Variants in FBXL13 observed in about 807,000 individuals in gnomAD.
FBXL13 encodes the protein F-box and leucine-rich repeat protein 13.
Under a neutral mutation model 83.6 loss-of-function variants are expected in FBXL13, and 67 were observed. That is an observed-to-expected ratio of 0.80 (90% CI 0.66 to 0.98). FBXL13 has a LOEUF of 0.98. Among genes scored for constraint, FBXL13 ranks in the 50% least tolerant of loss-of-function variants. The probability of loss-of-function intolerance (pLI) is 0.00; values close to 1 mark genes in which losing one functional copy is unlikely to be tolerated. For synonymous variants in FBXL13, 272 were observed against 299.5 expected, an observed-to-expected ratio of 0.91 and a Z score of 0.95; for missense variants, 822 against 866.5, an observed-to-expected ratio of 0.95 and a Z score of 0.64.
intron 2 of FBXL13, among the ~76,000 whole-genome samples, chr7:103,036,847 C>T (rs1383049068): frequency 6.6e-6 from 1 of 152,122 alleles, no homozygotes; most frequent in Non-Finnish European, 1.5e-5. Flanking sequence ...GCTTTTGTGC[C>T]TGGACAGAAA....
chr7:102,820,054 T>C (rs1289902169), intron 19 of FBXL13, among the ~76,000 whole-genome samples: 1 of 152,218 alleles, frequency 6.6e-6, no homozygotes, highest in Non-Finnish European at 1.5e-5. Flanking sequence ...GACAGATGTT[T>C]CTGGAGCTTT....
chr7:102,903,223 A>G (rs1813200462), intron 11 of FBXL13, among the ~76,000 whole-genome samples: 1 of 151,878 alleles, frequency 6.6e-6, no homozygotes, highest in Non-Finnish European at 1.5e-5. Flanking sequence ...CATATTGTTC[A>G]CTGTTGGCAT....
intron 8 of FBXL13, chr7:102,934,348 G>A (rs375571993): frequency 9.9e-6 from 16 of 1,613,968 alleles, no homozygotes; most frequent in African/African-American, 1.3e-5. Context: ...AAGTCTTGAC[G>A]GAGGAAGTGT....
intron 16 of FBXL13, among the ~76,000 whole-genome samples, chr7:102,859,165 T>C (rs1039260562): frequency 4.6e-5 from 7 of 152,206 alleles, no homozygotes; most frequent in South Asian, 2.1e-4. Context: ...ATGACAAAAA[T>C]AGTAGCAAAA....
At chr7:102,943,536 C>T (rs1354915684) in intron 8 of FBXL13, among the ~76,000 whole-genome samples, 3 of 152,048 alleles carry the variant, frequency 2.0e-5, no homozygotes, top group South Asian at 4.1e-4. Flanking sequence ...AAGGTAGTAA[C>T]GAAAGAAACA....
At position 102,937,484 on chromosome 7, in the gene FBXL13, G is replaced by A. The variant is rs542076133; in HGVS notation, c.725-5551C>T. ...ATCACGCCACTGCACTCCAGCCTGGGCGACAGAGCAAGACTCTGTCTCAAA... is the reference window on the plus strand; with the variant it reads ...ATCACGCCACTGCACTCCAGCCTGGACGACAGAGCAAGACTCTGTCTCAAA... On this transcript the variant is annotated intron_variant, in intron 8 of 19. Coordinates refer to ENST00000313221, the Ensembl canonical transcript of FBXL13. Among the ~76,000 whole-genome samples, 6 of 135,046 alleles carry A rather than the reference G, an allele frequency of 4.4e-5. No homozygotes were observed. The South Asian group carries it at 1.3e-3, about 28-fold the overall frequency. The allele number at this position is 135,046 out of a possible 152,430, so 88.6% of individuals were successfully genotyped here. A position where few individuals can be genotyped will look rare whatever the true frequency, so the allele number is the denominator to read the frequency against.
intron 17 of FBXL13, among the ~76,000 whole-genome samples, chr7:102,849,073 C>T (rs954593366): frequency 6.6e-6 from 1 of 152,156 alleles, no homozygotes; most frequent in Admixed American, 6.5e-5. Context: ...TAAGATGGAA[C>T]TTCTAATACG....
intron 11 of FBXL13, among the ~76,000 whole-genome samples, chr7:102,912,671 A>AACCCC (rs1814922725): frequency 1.4e-5 from 1 of 73,538 alleles, no homozygotes; most frequent in African/African-American, 4.4e-5. Flanking sequence ...ATAGCATTTT[A>AACCCC]CCCCCCCCCC....
intron 10 of FBXL13, among the ~76,000 whole-genome samples, chr7:102,921,083 C>T (rs1584944566): frequency 6.6e-6 from 1 of 152,070 alleles, no homozygotes; most frequent in Non-Finnish European, 1.5e-5. Flanking sequence ...GCCCAGGAGG[C>T]GGAGGTTGCA....
At chr7:103,063,712 C>CTT (rs34739663) in intron 1 of FBXL13, among the ~76,000 whole-genome samples, 3,199 of 101,708 alleles carry the variant, frequency 0.031, 218 homozygotes, top group Non-Finnish European at 0.045. Flanking sequence ...CAAACTTAGG[C>CTT]TTTTTTTTTT....
chr7:102,903,939 CTTTTT>C (rs1166655004), intron 11 of FBXL13, among the ~76,000 whole-genome samples: 4 of 43,470 alleles, frequency 9.2e-5, no homozygotes, highest in African/African-American at 4.1e-4. Context: ...CTTTTCTTTT[CTTTTT>C]TTTTTTTTTT....
intron 3 of FBXL13, 35 bp downstream of exon 4, chr7:103,029,316 C>CA (rs759930280): frequency 4.4e-6 from 6 of 1,358,564 alleles, no homozygotes; most frequent in South Asian, 1.4e-5. Context: ...AATAAAAACT[C>CA]AAAGAGGAAG....
intron 11 of FBXL13, among the ~76,000 whole-genome samples, chr7:102,912,630 T>C (rs1814901701): frequency 6.6e-6 from 1 of 152,030 alleles, no homozygotes; most frequent in Non-Finnish European, 1.5e-5. Context: ...TTATGAGTTT[T>C]TGTTGTATTT....
chr7:102,913,107 C>T, exon 11 of FBXL13: 1 of 1,614,136 alleles, frequency 6.2e-7, no homozygotes, highest in Non-Finnish European at 8.5e-7. Flanking sequence ...CAGAGAGGTC[C>T]AGATAGATGA....
chr7:103,016,054 A>G (rs977293390), intron 6 of FBXL13, among the ~76,000 whole-genome samples: 1 of 152,228 alleles, frequency 6.6e-6, no homozygotes, highest in Non-Finnish European at 1.5e-5. Context: ...ATGGATAGGA[A>G]GAATCAATAT....
At chr7:102,848,488 G>A (rs1339494966) in intron 17 of FBXL13, among the ~76,000 whole-genome samples, 3 of 59,578 alleles carry the variant, frequency 5.0e-5, no homozygotes, top group East Asian at 6.9e-4. Context: ...CCCAAGAGGC[G>A]GAGCTTGCAG....
intron 6 of FBXL13, among the ~76,000 whole-genome samples, chr7:102,990,340 C>A (rs565141187): frequency 6.6e-6 from 1 of 152,086 alleles, no homozygotes; most frequent in South Asian, 2.1e-4. Flanking sequence ...CACAGAAGCC[C>A]AGAATCAAGT....
Position 103,025,154 on chromosome 7 carries a change from T to C in FBXL13, c.404A>G (p.Asn135Ser), listed in dbSNP as rs202168391. The change falls in exon 6 of 20, where the codon AAT (asparagine) becomes AGT (serine). Residue 135 changes from asparagine to serine, a missense_variant. Asn to Ser is a conservative substitution (Grantham distance 46). Transcript: ENST00000313221. ...TTCAGAAGAACTTCGTTCAGGAAAA[T>C]TGGATTCTTCTGCAGCAGCTCTTTT... is the stretch of plus-strand genomic sequence containing the variant. The C allele has an allele frequency of 1.6e-5, 26 of 1,611,668 alleles. No homozygotes were observed. In the African/African-American group the frequency reaches 2.3e-4, roughly 14 times the overall value.
intron 6 of FBXL13, among the ~76,000 whole-genome samples, chr7:102,987,426 A>G (rs1462468670): frequency 6.6e-6 from 1 of 152,134 alleles, no homozygotes; most frequent in Non-Finnish European, 1.5e-5. Context: ...CTAATTCCCC[A>G]AGCATCATTT....
Sources: allele counts gnomAD v4.1 joint callset (sites outside exome capture counted in the v4.1 genomes callset), GRCh38; gene constraint gnomAD v4.1.1; transcripts MANE v1.5; gene names NCBI Gene and HGNC (gene_info 2026-07-23, HGNC 2026-07-21).